LRRC4C: variants seen among roughly 807,000 people sequenced by gnomAD.
LRRC4C encodes the protein leucine rich repeat containing 4C.
A neutral mutation model predicts 33.6 loss-of-function variants in LRRC4C; 5 were observed. The ratio of observed to expected loss-of-function variants is 0.15; its 90% CI spans 0.08 to 0.31. The LOEUF is 0.31. LRRC4C is among the 10% of genes least tolerant of loss of function. The pLI, the probability that LRRC4C is intolerant of heterozygous loss-of-function variation, is 1.00. For synonymous variants in LRRC4C, 329 were observed against 302.0 expected, an observed-to-expected ratio of 1.09 and a Z score of -0.93; for missense variants, 560 against 796.7, an observed-to-expected ratio of 0.70 and a Z score of 3.58.
At chr11:40,743,415 G>T (rs1948258550) in intron 2 of LRRC4C, among the ~76,000 whole-genome samples, 1 of 152,018 alleles carries the variant, frequency 6.6e-6, no homozygotes, top group Non-Finnish European at 1.5e-5. Flanking sequence ...GTCTAAAATG[G>T]ATCTCATTGG....
At chr11:40,565,696 A>G (rs1057469250) in intron 3 of LRRC4C, among the ~76,000 whole-genome samples, 2 of 151,988 alleles carry the variant, frequency 1.3e-5, no homozygotes, top group Non-Finnish European at 2.9e-5. Flanking sequence ...TTTCCTTCTA[A>G]TAATTTTTTT....
intron 1 of LRRC4C, among the ~76,000 whole-genome samples, chr11:41,203,765 G>C (rs1946490638): frequency 6.6e-6 from 1 of 152,108 alleles, no homozygotes; most frequent in South Asian, 2.1e-4. Context: ...TCTTTAGAAT[G>C]GTTTGGAATA....
chr11:41,306,485 A>C (rs1236959803), intron 1 of LRRC4C, among the ~76,000 whole-genome samples: 2 of 152,332 alleles, frequency 1.3e-5, no homozygotes, highest in South Asian at 4.1e-4. Flanking sequence ...CAGTCTGTGA[A>C]TTAGTCATTC....
intron 1 of LRRC4C, among the ~76,000 whole-genome samples, chr11:41,317,224 T>A (rs1950822116): frequency 3.3e-5 from 5 of 151,028 alleles, no homozygotes. Context: ...TTAGGACAAG[T>A]CATTTAACCT....
chr11:41,247,584 T>A (rs890530562), intron 1 of LRRC4C, among the ~76,000 whole-genome samples: 1 of 152,200 alleles, frequency 6.6e-6, no homozygotes. Context: ...ATTATCTTAA[T>A]TGTCTCAGAA....
intron 2 of LRRC4C, among the ~76,000 whole-genome samples, chr11:40,782,450 T>TC (rs976218624): frequency 5.3e-5 from 8 of 151,922 alleles, no homozygotes; most frequent in African/African-American, 1.9e-4. Flanking sequence ...GCATACTTTT[T>TC]TTTTTTTTCT....
At chr11:40,964,418 G>T (rs186417072) in intron 1 of LRRC4C, among the ~76,000 whole-genome samples, 1 of 151,570 alleles carries the variant, frequency 6.6e-6, no homozygotes. Context: ...TGTGCACAAC[G>T]TGCAGGTTTG....
chr11:41,239,556 A>T (rs147446933), intron 1 of LRRC4C, among the ~76,000 whole-genome samples: 129 of 152,148 alleles, frequency 8.5e-4, no homozygotes, highest in African/African-American at 3.0e-3. Flanking sequence ...AGGTAGATGC[A>T]GGTCTCTTTT....
intron 5 of LRRC4C, among the ~76,000 whole-genome samples, chr11:40,175,511 G>A (rs552570077): frequency 1.6e-4 from 25 of 152,156 alleles, no homozygotes; most frequent in Non-Finnish European, 3.4e-4. Context: ...ATCTTTCAAA[G>A]AATGCTGGAG....
chr11:40,982,502 T>C (rs967438653), intron 1 of LRRC4C, among the ~76,000 whole-genome samples: 2 of 152,186 alleles, frequency 1.3e-5, no homozygotes, highest in African/African-American at 4.8e-5. Context: ...TACTATAATA[T>C]GCATGCCAAT....
At chr11:41,214,168 C>T (rs893192702) in intron 1 of LRRC4C, among the ~76,000 whole-genome samples, 2 of 152,100 alleles carry the variant, frequency 1.3e-5, no homozygotes, top group African/African-American at 4.8e-5. Context: ...CCACACTTCC[C>T]TCCAAATAAG....
intron 2 of LRRC4C, among the ~76,000 whole-genome samples, chr11:40,730,822 G>A (rs993444527): frequency 6.6e-5 from 10 of 152,166 alleles, no homozygotes; most frequent in African/African-American, 1.9e-4. Flanking sequence ...CTAAAGTGAA[G>A]CCCACCTTTT....
chr11:41,420,244 A>G (rs879598374), intron 1 of LRRC4C, among the ~76,000 whole-genome samples: 11 of 151,938 alleles, frequency 7.2e-5, no homozygotes, highest in Non-Finnish European at 1.3e-4. Flanking sequence ...TCCAGGGGCA[A>G]CACAGCCTTC....
chr11:40,846,348 T>C (rs1953171269), intron 2 of LRRC4C, among the ~76,000 whole-genome samples: 2 of 152,216 alleles, frequency 1.3e-5, no homozygotes, highest in African/African-American at 4.8e-5. Flanking sequence ...CTTAAGTTAA[T>C]GTTTGTATGA....
chr11:41,250,168 C>T (rs1030183450), intron 1 of LRRC4C, among the ~76,000 whole-genome samples: 1 of 152,032 alleles, frequency 6.6e-6, no homozygotes, highest in Non-Finnish European at 1.5e-5. Context: ...GACTTCATCT[C>T]AAAAAACAAA....
chr11:40,922,732 T>C (rs1401141758), intron 2 of LRRC4C, among the ~76,000 whole-genome samples: 1 of 152,212 alleles, frequency 6.6e-6, no homozygotes, highest in African/African-American at 2.4e-5. Flanking sequence ...AAAATCAATA[T>C]AAATTTTGCA....
chr11:40,461,830 A>G (rs1484375057), intron 3 of LRRC4C, among the ~76,000 whole-genome samples: 2 of 151,682 alleles, frequency 1.3e-5, no homozygotes, highest in African/African-American at 2.4e-5. Context: ...GAAATCATCA[A>G]TATGACAGGG....
At chr11:40,182,973 C>A (rs570728078) in intron 5 of LRRC4C, among the ~76,000 whole-genome samples, 1 of 152,286 alleles carries the variant, frequency 6.6e-6, no homozygotes, top group Admixed American at 6.5e-5. Context: ...GGTTAGGAAG[C>A]TTGCTAAGCT....
At chr11:41,258,847 G>T (rs1007939244) in intron 1 of LRRC4C, among the ~76,000 whole-genome samples, 28 of 151,914 alleles carry the variant, frequency 1.8e-4, no homozygotes, top group African/African-American at 6.5e-4. Flanking sequence ...TCTGCCTTTG[G>T]CTCTCAGAGC....
Sources: gnomAD v4.1 joint callset for allele counts (sites outside exome capture counted in the v4.1 genomes callset) on GRCh38, gnomAD v4.1.1 for gene constraint, MANE v1.5 for transcripts, NCBI Gene and HGNC (gene_info 2026-07-23, HGNC 2026-07-21) for gene names.